The following PKP2 variants were observed in gnomAD, a reference collection of about 807,000 sequenced individuals.
PKP2 encodes plakophilin-2.
In PKP2, 73 loss-of-function variants were observed where a neutral mutation model predicts 83.4. The ratio of observed to expected loss-of-function variants is 0.88; its 90% CI spans 0.72 to 1.06. The LOEUF (loss-of-function observed/expected upper bound fraction) is 1.06. PKP2 is among the 50% of genes least tolerant of loss of function. The probability of loss-of-function intolerance (pLI) is 0.00; values close to 1 mark genes in which losing one functional copy is unlikely to be tolerated. For synonymous variants in PKP2, 409 were observed against 430.4 expected (o/e 0.95, Z 0.62); for missense variants, 966 against 1,065.4 (o/e 0.91, Z 1.30).
chr12:32,824,569 T>A (rs146229453), intron 6 of PKP2, among the ~76,000 whole-genome samples: 8 of 152,350 alleles, frequency 5.3e-5, no homozygotes, highest in Non-Finnish European at 1.2e-4. Context: ...AACTTAAAGT[T>A]GCTCTGGGCC....
chr12:32,843,037 TG>T (rs1956611293), intron 5 of PKP2: 1 of 341,426 alleles, frequency 2.9e-6, no homozygotes, highest in Non-Finnish European at 5.8e-6. Flanking sequence ...TGGAGTGTAG[TG>T]GCACAATCTT....
In PKP2 at chr12:32,877,897, C is replaced by G. The variant is rs144651139; in HGVS notation, c.983G>C (p.Gly328Ala). Residue 328 changes from glycine to alanine, a missense_variant, in exon 3 of 13, where the codon GGA (glycine) becomes GCA (alanine). Transcript: ENST00000340811. Reference sequence around the variant, plus strand: ...TCTCTCAGTGAGCAGATTCCCACTTCCCCCTGCGGCCGCCTGGCCGACAGT... The same window carrying G: ...TCTCTCAGTGAGCAGATTCCCACTTGCCCCTGCGGCCGCCTGGCCGACAGT... ...HLTVGQAAAG[G>A]SGNLLTERST... 74 of 1,614,126 alleles carry G rather than the reference C, an allele frequency of 4.6e-5. No individual in the cohort carries two copies. In the African/African-American group the frequency reaches 8.5e-4, roughly 19 times the overall value.
chr12:32,829,820 C>G lies in PKP2; in HGVS notation c.1557-5658G>C, dbSNP rs1465947443. Among the ~76,000 whole-genome samples the G allele has an allele frequency of 2.0e-5, 3 of 152,076 alleles. No individual in the cohort carries two copies. In the East Asian group the frequency reaches 5.8e-4, roughly 29 times the overall value. On this transcript the variant is annotated intron_variant, in intron 6 of 12. Coordinates refer to ENST00000340811, the MANE Select transcript of PKP2 (RefSeq NM_001005242.3). ...GGATCACAAGTGTGTGCCACTGCGC[C>G]CAGCTAATTTTTGTATTTTTAGTAG...
intron 3 of PKP2, 88 bp downstream of exon 3, chr12:32,877,758 G>T: frequency 1.0e-6 from 1 of 960,330 alleles, no homozygotes; most frequent in Non-Finnish European, 1.7e-6. Context: ...CTTCTCTCAA[G>T]CCCCAGAAGT....
intron 4 of PKP2, among the ~76,000 whole-genome samples, chr12:32,852,100 G>A (rs1391944968): frequency 6.6e-6 from 1 of 152,164 alleles, no homozygotes; most frequent in Non-Finnish European, 1.5e-5. Flanking sequence ...CCTTCTCTTA[G>A]GCTTCCATTC....
At chr12:32,873,159 T>C (rs1364670371) in intron 3 of PKP2, among the ~76,000 whole-genome samples, 1 of 151,686 alleles carries the variant, frequency 6.6e-6, no homozygotes, top group Non-Finnish European at 1.5e-5. Context: ...GAGTGCAGTG[T>C]CACGATCATG....
At chr12:32,863,173 A>G in intron 4 of PKP2, 1 of 198,070 alleles carries the variant, frequency 5.0e-6, no homozygotes, top group Admixed American at 5.2e-5. Flanking sequence ...AACAAAAGGG[A>G]ACACATCTCT....
intron 4 of PKP2, among the ~76,000 whole-genome samples, chr12:32,853,803 G>A (rs916817093): frequency 5.9e-5 from 9 of 152,142 alleles, no homozygotes; most frequent in South Asian, 2.1e-4. Flanking sequence ...GAGCCACCGC[G>A]CCCAGCTGGC....
chr12:32,887,955 A>G (rs1218605727), intron 1 of PKP2, among the ~76,000 whole-genome samples: 1 of 152,114 alleles, frequency 6.6e-6, no homozygotes, highest in Admixed American at 6.5e-5. Flanking sequence ...CAAGGTGGGC[A>G]GATCACTTGA....
At chr12:32,889,931 C>T (rs775388067) in intron 1 of PKP2, among the ~76,000 whole-genome samples, 8 of 151,698 alleles carry the variant, frequency 5.3e-5, no homozygotes, top group African/African-American at 1.5e-4. Context: ...AAAAATTAGC[C>T]GGGTGTGGTG....
In PKP2 at chr12:32,850,791, G is replaced by A. The variant is rs879074880; in HGVS notation, c.1353C>T (p.Asp451=). 2 of 1,613,000 alleles carry A rather than the reference G, an allele frequency of 1.2e-6. No individual in the cohort carries two copies. Among genetic ancestry groups the A allele is most frequent in the African/African-American group, 1.3e-5 (1 of 75,012 alleles). The part of the protein sequence containing the change: ...RLLQVLKQTR[D]LETKKQITGL... ...CTGTTATTTGTTTTTTAGTCTCCAA[G>A]TCTCTGGTTTGCTTCAGCACCTGGA... The change falls in exon 5 of 13, where the codon GAC becomes GAT. Residue 451 remains aspartate, a synonymous_variant. Transcript: ENST00000340811.
chr12:32,807,409 G>T (rs1269770851), intron 9 of PKP2, among the ~76,000 whole-genome samples: 1 of 152,008 alleles, frequency 6.6e-6, no homozygotes, highest in African/African-American at 2.4e-5. Flanking sequence ...TTTATTTTGA[G>T]CCTAAGTGTG....
At position 32,795,231 on chromosome 12, in the gene PKP2, G is replaced by T. The variant is rs138337438; in HGVS notation, c.2357+878C>A. On this transcript the variant is annotated intron_variant, in intron 11 of 12. Transcript: ENST00000340811. The stretch of plus-strand genomic sequence containing the variant: ...GGGAAAAGTTGAAAACAGGAACACA[G>T]ATGTGGAATGACATGCATTGGACCT... Among the ~76,000 whole-genome samples the T allele has an allele frequency of 7.0e-4, 106 of 151,554 alleles. No individual in the cohort carries two copies. The East Asian group carries it at 7.4e-3, about 11-fold the overall frequency.
intron 4 of PKP2, among the ~76,000 whole-genome samples, chr12:32,854,061 T>C (rs1390250311): frequency 6.6e-6 from 1 of 152,232 alleles, no homozygotes; most frequent in East Asian, 1.9e-4. Context: ...AAAATCCTAT[T>C]TGTCCTGAGG....
intron 4 of PKP2, among the ~76,000 whole-genome samples, chr12:32,861,441 G>A (rs1956796701): frequency 6.6e-6 from 1 of 152,080 alleles, no homozygotes; most frequent in African/African-American, 2.4e-5. Context: ...AAAATACACT[G>A]AGTAAGATTA....
At chr12:32,822,755 CG>C (rs1956394637) in intron 7 of PKP2, 124 bp from the exon 8 acceptor site, 7 of 1,028,354 alleles carry the variant, frequency 6.8e-6, no homozygotes, top group Non-Finnish European at 4.5e-6. Flanking sequence ...GCTTAAACTG[CG>C]GGTTGCCTGG....
intron 5 of PKP2, among the ~76,000 whole-genome samples, chr12:32,842,422 C>T (rs369773936): frequency 2.3e-3 from 356 of 151,814 alleles, no homozygotes; most frequent in African/African-American, 8.3e-3. Context: ...TTTGTATTTT[C>T]GGTAGAGACG....
chr12:32,812,299 A>G (rs1185515855), intron 9 of PKP2, among the ~76,000 whole-genome samples: 1 of 152,082 alleles, frequency 6.6e-6, no homozygotes, highest in East Asian at 1.9e-4. Flanking sequence ...AGGGATGCTC[A>G]ACCTACATTG....
rs560693146 is a variant in PKP2 at position 32,845,855 on chromosome 12, A to C, written c.1379-4650T>G. On this transcript the variant is annotated intron_variant, in intron 5 of 12. Transcript: ENST00000340811. ...ATAGATATACCCCTCCTTTCACCTA[A>C]ATTTTGCAAATCTTAACTGGAATAT... 1.6e-3 allele frequency among the ~76,000 whole-genome samples: 251 copies of C among 152,172 alleles called. 1 individual carries two copies. The highest frequency in any genetic ancestry group is 5.8e-3 in the African/African-American group (241 of 41,512).
Sources: gnomAD v4.1 joint callset for allele counts (sites outside exome capture counted in the v4.1 genomes callset) on GRCh38, gnomAD v4.1.1 for gene constraint, MANE v1.5 for transcripts, NCBI Gene and HGNC (gene_info 2026-07-23, HGNC 2026-07-21) for gene names.